Variants in PACRG observed in about 807,000 individuals in gnomAD.
The protein encoded by PACRG is parkin coregulated gene protein.
PACRG carries 29 observed loss-of-function variants against 29.7 expected under a neutral mutation model. The ratio of observed to expected loss-of-function variants is 0.98; its 90% CI spans 0.73 to 1.33. The LOEUF (loss-of-function observed/expected upper bound fraction) is 1.33. Among genes scored for constraint, PACRG ranks in the 40% most tolerant of loss-of-function variants. The pLI, the probability that PACRG is intolerant of heterozygous loss-of-function variation, is 0.00. For missense variants in PACRG, 279 were observed against 316.2 expected (o/e 0.88, Z 0.89); for synonymous variants, 116 against 118.7 (o/e 0.98, Z 0.15).
chr6:163,045,564 C>T (rs926985648), intron 2 of PACRG, among the ~76,000 whole-genome samples: 7 of 150,832 alleles, frequency 4.6e-5, no homozygotes, highest in South Asian at 2.1e-4. Flanking sequence ...ACCTCTTGAT[C>T]CACCCACCTT....
intron 4 of PACRG, among the ~76,000 whole-genome samples, chr6:163,294,197 A>C (rs1784709966): frequency 6.6e-6 from 1 of 152,210 alleles, no homozygotes; most frequent in Non-Finnish European, 1.5e-5. Context: ...AAAATATATT[A>C]ATGAGAATTT....
chr6:163,005,847 G>A (rs1026112963), intron 2 of PACRG, among the ~76,000 whole-genome samples: 10 of 146,246 alleles, frequency 6.8e-5, no homozygotes, highest in South Asian at 2.1e-4. Flanking sequence ...ATAGTTATAC[G>A]TGTTATATAT....
At chr6:163,131,033 C>T (rs796264787) in intron 4 of PACRG, among the ~76,000 whole-genome samples, 14 of 152,248 alleles carry the variant, frequency 9.2e-5, no homozygotes, top group South Asian at 2.1e-4. Flanking sequence ...GTCGGCCGGG[C>T]GCAGTGGCTC....
At chr6:162,748,338 A>G (rs2128276178) in intron 1 of PACRG, among the ~76,000 whole-genome samples, 1 of 152,152 alleles carries the variant, frequency 6.6e-6, no homozygotes, top group African/African-American at 2.4e-5. Context: ...TAAAAATACA[A>G]AAAAATTAGC....
chr6:162,814,387 A>T, intron 2 of PACRG, 106 bp downstream of exon 2: 4 of 1,390,298 alleles, frequency 2.9e-6, no homozygotes, highest in Non-Finnish European at 3.9e-6. Flanking sequence ...GTCATTTCTC[A>T]GCACATGGAA....
At chr6:163,065,432 G>A (rs1346891524) in intron 3 of PACRG, among the ~76,000 whole-genome samples, 1 of 152,112 alleles carries the variant, frequency 6.6e-6, no homozygotes, top group Non-Finnish European at 1.5e-5. Flanking sequence ...TGGAATCTCC[G>A]CATACGAAAT....
intron 3 of PACRG, among the ~76,000 whole-genome samples, chr6:163,073,205 A>G (rs904608275): frequency 6.6e-6 from 1 of 152,158 alleles, no homozygotes; most frequent in East Asian, 1.9e-4. Flanking sequence ...TTCAAATTAT[A>G]CTACATTATG....
Position 162,791,085 on chromosome 6 carries a change from G to A in PACRG, c.157-23062G>A, listed in dbSNP as rs190041662. Among the ~76,000 whole-genome samples, 22 of 152,274 alleles carry A rather than the reference G, an allele frequency of 1.4e-4. No individual in the cohort carries two copies. The East Asian group carries it at 3.9e-3, about 27-fold the overall frequency. ...AATGTACTGTAGTTAGGTAGAATTA[G>A]GATGTTGCTTTCAATTTATGTATGT... is the stretch of plus-strand genomic sequence containing the variant. On this transcript the variant is annotated intron_variant, in intron 1 of 4. Coordinates refer to ENST00000366888, the MANE Select transcript of PACRG (RefSeq NM_001080379.2).
chr6:163,305,636 G>A (rs985027361), intron 4 of PACRG, among the ~76,000 whole-genome samples: 2 of 152,176 alleles, frequency 1.3e-5, no homozygotes, highest in African/African-American at 4.8e-5. Context: ...TACTGACCAT[G>A]TGTTTATGGC....
intron 4 of PACRG, among the ~76,000 whole-genome samples, chr6:163,208,227 A>G (rs1427392514): frequency 6.6e-6 from 1 of 152,204 alleles, no homozygotes; most frequent in Non-Finnish European, 1.5e-5. Flanking sequence ...ATACTCTGTA[A>G]AGAACTGAAA....
chr6:163,032,428 C>T (rs1033061255), intron 2 of PACRG, among the ~76,000 whole-genome samples: 1 of 152,114 alleles, frequency 6.6e-6, no homozygotes, highest in Admixed American at 6.5e-5. Context: ...TAGCTGATTA[C>T]AAACCACCTT....
intron 2 of PACRG, among the ~76,000 whole-genome samples, chr6:162,884,731 C>T (rs957280057): frequency 6.6e-6 from 1 of 152,148 alleles, no homozygotes; most frequent in African/African-American, 2.4e-5. Flanking sequence ...ACCGTCTCTT[C>T]TGTGGAGTGA....
At chr6:162,878,518 C>G (rs2128008261) in intron 2 of PACRG, among the ~76,000 whole-genome samples, 1 of 152,268 alleles carries the variant, frequency 6.6e-6, no homozygotes, top group Middle Eastern at 3.4e-3. Flanking sequence ...CTGCCTATCT[C>G]TGTGTATAAT....
At chr6:163,063,156 GCTACTGCTA>G (rs1261768351) in intron 3 of PACRG, among the ~76,000 whole-genome samples, 2 of 152,108 alleles carry the variant, frequency 1.3e-5, no homozygotes, top group Non-Finnish European at 2.9e-5. Flanking sequence ...TGCTACTGCT[GCTACTGCTA>G]CTACTAATTA....
chr6:163,212,423 G>T (rs915347032), intron 4 of PACRG, among the ~76,000 whole-genome samples: 7 of 152,064 alleles, frequency 4.6e-5, no homozygotes, highest in Admixed American at 2.6e-4. Context: ...TTGAGAAATG[G>T]CCAATTCCAG....
intron 4 of PACRG, among the ~76,000 whole-genome samples, chr6:163,301,934 C>A (rs191491926): frequency 1.3e-5 from 2 of 152,196 alleles, no homozygotes; most frequent in Non-Finnish European, 1.5e-5. Context: ...AGCACGCCTC[C>A]GCCCCTCAGG....
At chr6:163,078,642 C>A (rs542161562) in intron 3 of PACRG, among the ~76,000 whole-genome samples, 1 of 152,066 alleles carries the variant, frequency 6.6e-6, no homozygotes, top group South Asian at 2.1e-4. Context: ...CATCATCATT[C>A]TCTGCCTAAA....
chr6:163,021,425 T>A (rs565481638), intron 2 of PACRG, among the ~76,000 whole-genome samples: 1 of 152,290 alleles, frequency 6.6e-6, no homozygotes, highest in South Asian at 2.1e-4. Context: ...TTCCTAAATG[T>A]CTCGTGAATG....
intron 4 of PACRG, among the ~76,000 whole-genome samples, chr6:163,215,642 T>C (rs1480030288): frequency 6.6e-6 from 1 of 152,118 alleles, no homozygotes; most frequent in Non-Finnish European, 1.5e-5. Context: ...CAATCTGGGC[T>C]GGAAAGGTAG....
Sources: allele counts gnomAD v4.1 joint callset (sites outside exome capture counted in the v4.1 genomes callset), GRCh38; gene constraint gnomAD v4.1.1; transcripts MANE v1.5; gene names NCBI Gene and HGNC (gene_info 2026-07-23, HGNC 2026-07-21).